FAM149B1: variants seen among roughly 807,000 people sequenced by gnomAD.
FAM149B1 encodes the protein family with sequence similarity 149 member B1.
In FAM149B1, 56 loss-of-function variants were observed where a neutral mutation model predicts 75.3. The observed-to-expected ratio is 0.74, with a 90% CI of 0.60 to 0.93. FAM149B1 has a LOEUF of 0.93. FAM149B1 is among the 40% of genes least tolerant of loss of function. The pLI, the probability that FAM149B1 is intolerant of heterozygous loss-of-function variation, is 0.00. For synonymous variants in FAM149B1, 259 were observed against 256.1 expected (o/e 1.01, Z -0.11); for missense variants, 639 against 708.4 (o/e 0.90, Z 1.11).
chr10:73,224,380 A>G lies in FAM149B1; in HGVS notation c.899-3680A>G, dbSNP rs79846717. Among the ~76,000 whole-genome samples the G allele has an allele frequency of 4.5e-3, 682 of 152,330 alleles. 6 individuals are homozygous for G. Among genetic ancestry groups the G allele is most frequent in the Middle Eastern group, 6.8e-3 (2 of 294 alleles). ...AAATAACTAGAAAACATACATCAGA[A>G]ACTACCCACATGTCCATCAACAGTA... On this transcript the variant is annotated intron_variant, in intron 7 of 13. Transcript: ENST00000242505.
At position 73,208,708 on chromosome 10, in the gene FAM149B1, T is replaced by C; in HGVS notation, c.632T>C (p.Met211Thr). The C allele has an allele frequency of 6.5e-7, 1 of 1,549,234 alleles. No individual in the cohort carries two copies. The highest frequency in any genetic ancestry group is 2.0e-5 in the Admixed American group (1 of 50,932). Residue 211 changes from methionine (M) to threonine (T), a missense_variant, in exon 6 of 14, where the codon ATG becomes ACG. Met to Thr is a moderately conservative substitution (Grantham distance 81, BLOSUM62 -1). Transcript: ENST00000242505. ...SIAKSSSFCS[M>T]ERDEEDSIIV... ...GCCAAATCCTCCAGCTTTTGTTCTA[T>C]GGAAAGAGATGAGGAAGACTCTATA...
chr10:73,225,583 A>G (rs2043522119), intron 7 of FAM149B1, among the ~76,000 whole-genome samples: 1 of 152,246 alleles, frequency 6.6e-6, no homozygotes, highest in African/African-American at 2.4e-5. Context: ...AAAATTTATA[A>G]AGTCAAAAAG....
At position 73,187,585 on chromosome 10, in the gene FAM149B1, C is replaced by T. The variant is rs539954345; in HGVS notation, c.283-4971C>T. ...TCTCTACTAAAATTACAAAATTAGCCGGGTGTGGTGGCGCAGGCCTGTAAT... is the reference window on the plus strand; with the variant it reads ...TCTCTACTAAAATTACAAAATTAGCTGGGTGTGGTGGCGCAGGCCTGTAAT... On this transcript the variant is annotated intron_variant, in intron 3 of 13. Transcript: ENST00000242505. 3.3e-5 allele frequency among the ~76,000 whole-genome samples: 5 copies of T among 151,006 alleles called. No homozygotes were observed. The East Asian group carries it at 5.9e-4, about 18-fold the overall frequency.
intron 9 of FAM149B1, among the ~76,000 whole-genome samples, chr10:73,232,496 C>G (rs947546634): frequency 1.3e-5 from 2 of 152,238 alleles, no homozygotes; most frequent in African/African-American, 4.8e-5. Context: ...GGTGCCACAA[C>G]TGCTCCCAAG....
At chr10:73,213,604 T>C (rs768767905) in intron 7 of FAM149B1, among the ~76,000 whole-genome samples, 7 of 152,182 alleles carry the variant, frequency 4.6e-5, no homozygotes, top group Non-Finnish European at 7.3e-5. Flanking sequence ...CTTTCCCCAG[T>C]GTATATTTTT....
intron 10 of FAM149B1, chr10:73,234,578 G>A: frequency 2.1e-6 from 1 of 468,468 alleles, no homozygotes; most frequent in Non-Finnish European, 3.8e-6. Context: ...CTGTGGGAGA[G>A]AAAAGGCCAG....
At chr10:73,195,753 T>C (rs1341195738) in intron 5 of FAM149B1, among the ~76,000 whole-genome samples, 6 of 152,216 alleles carry the variant, frequency 3.9e-5, no homozygotes, top group African/African-American at 1.4e-4. Flanking sequence ...CTATTTTTGG[T>C]GCTACTTTTC....
chr10:73,184,026 A>C (rs1303541466), intron 3 of FAM149B1, among the ~76,000 whole-genome samples: 1 of 152,206 alleles, frequency 6.6e-6, no homozygotes, highest in Non-Finnish European at 1.5e-5. Flanking sequence ...TATCTGGGAA[A>C]TAAGACGGTC....
At chr10:73,197,473 A>G (rs1031042809) in intron 5 of FAM149B1, among the ~76,000 whole-genome samples, 1 of 152,214 alleles carries the variant, frequency 6.6e-6, no homozygotes, top group Non-Finnish European at 1.5e-5. Context: ...CAAACACACA[A>G]AAAGAAGAAA....
intron 7 of FAM149B1, among the ~76,000 whole-genome samples, chr10:73,226,681 C>T (rs2043558126): frequency 6.6e-6 from 1 of 152,120 alleles, no homozygotes; most frequent in African/African-American, 2.4e-5. Context: ...AAACCAGTTA[C>T]ATGAAAGTAT....
At chr10:73,219,891 G>C (rs1167853162) in intron 7 of FAM149B1, among the ~76,000 whole-genome samples, 2 of 151,724 alleles carry the variant, frequency 1.3e-5, no homozygotes, top group African/African-American at 4.8e-5. Flanking sequence ...AGCAGCAAAA[G>C]AAAAAATAAT....
chr10:73,227,711 CA>C (rs2043584804), intron 7 of FAM149B1, among the ~76,000 whole-genome samples: 1 of 152,170 alleles, frequency 6.6e-6, no homozygotes, highest in South Asian at 2.1e-4. Flanking sequence ...TCCCTAGCCA[CA>C]TTCTGAGTGC....
intron 3 of FAM149B1, among the ~76,000 whole-genome samples, chr10:73,189,923 A>G (rs2042638981): frequency 6.6e-6 from 1 of 152,278 alleles, no homozygotes; most frequent in East Asian, 1.9e-4. Context: ...GATAACATCT[A>G]TTTAAATTAT....
chr10:73,173,881 C>T (rs1843826017), intron 1 of FAM149B1, among the ~76,000 whole-genome samples: 1 of 152,116 alleles, frequency 6.6e-6, no homozygotes, highest in Admixed American at 6.5e-5. Context: ...TAAATGGGCT[C>T]ACACAGTTTA....
At chr10:73,235,541 A>C in intron 12 of FAM149B1, 1 of 1,008,052 alleles carries the variant, frequency 9.9e-7, no homozygotes. Flanking sequence ...TATTCTAAGC[A>C]ATTTAACACT....
chr10:73,180,023 G>T (rs1372983796), intron 3 of FAM149B1, among the ~76,000 whole-genome samples: 1 of 152,068 alleles, frequency 6.6e-6, no homozygotes, highest in Non-Finnish European at 1.5e-5. Context: ...TGGGAATATG[G>T]GGTGAGTGAG....
At chr10:73,208,947 G>C (rs907394002) in intron 6 of FAM149B1, among the ~76,000 whole-genome samples, 161 bp downstream of exon 6, 13 of 151,822 alleles carry the variant, frequency 8.6e-5, no homozygotes, top group Non-Finnish European at 1.9e-4. Context: ...TGTTCTTATT[G>C]CCTCCATGTA....
intron 1 of FAM149B1, chr10:73,168,913 A>C (rs1843575566): frequency 6.5e-6 from 1 of 152,828 alleles, no homozygotes; most frequent in Admixed American, 6.5e-5. Context: ...TGTGGTCATA[A>C]CCATCACACA....
At chr10:73,221,420 T>C (rs909452547) in intron 7 of FAM149B1, among the ~76,000 whole-genome samples, 1 of 152,216 alleles carries the variant, frequency 6.6e-6, no homozygotes, top group Non-Finnish European at 1.5e-5. Flanking sequence ...TGCAAGATAA[T>C]TTTATGAACT....
Sources: gnomAD v4.1 joint callset for allele counts (sites outside exome capture counted in the v4.1 genomes callset) on GRCh38, gnomAD v4.1.1 for gene constraint, MANE v1.5 for transcripts, NCBI Gene and HGNC (gene_info 2026-07-23, HGNC 2026-07-21) for gene names.